TSHZ2: variants seen among roughly 807,000 people sequenced by gnomAD.
TSHZ2 encodes the protein teashirt zinc finger homeobox 2.
TSHZ2 carries 21 observed loss-of-function variants against 74.4 expected under a neutral mutation model. The ratio of observed to expected loss-of-function variants is 0.28; its 90% CI spans 0.20 to 0.41. The LOEUF (loss-of-function observed/expected upper bound fraction) is 0.41, where lower values mean the gene tolerates loss of function less well. Among genes scored for constraint, TSHZ2 ranks in the 10% least tolerant of loss-of-function variants. The probability of loss-of-function intolerance (pLI) is 1.00; values close to 1 mark genes in which losing one functional copy is unlikely to be tolerated. For synonymous variants in TSHZ2, 540 were observed against 515.3 expected, an observed-to-expected ratio of 1.05 and a Z score of -0.65; for missense variants, 1,244 against 1,293.5, an observed-to-expected ratio of 0.96 and a Z score of 0.59.
rs3971383 is a variant in TSHZ2 at position 53,228,019 on chromosome 20, GTTTTTTTTTT to G, written c.41-25470_41-25461del. On this transcript the variant is annotated intron_variant, in intron 1 of 2. Coordinates refer to ENST00000371497, the MANE Select transcript of TSHZ2 (RefSeq NM_173485.6). The stretch of plus-strand genomic sequence containing the variant: ...GCTGATCTTTATAATTTCAAATGGT[GTTTTTTTTTT>G]TTTTTTTTTGATTCTGGTTTGTTGC... Among the ~76,000 whole-genome samples, 24 of 101,434 alleles carry G rather than the reference GTTTTTTTTTT, an allele frequency of 2.4e-4. No individual in the cohort carries two copies. In the East Asian group the frequency reaches 6.8e-3, roughly 29 times the overall value. 66.5% of individuals were successfully genotyped at this position (101,434 alleles called of 152,430 possible).
At chr20:53,016,794 C>T (rs932409480) in intron 1 of TSHZ2, among the ~76,000 whole-genome samples, 1 of 152,100 alleles carries the variant, frequency 6.6e-6, no homozygotes, top group African/African-American at 2.4e-5. Flanking sequence ...TACTCATCTG[C>T]CATTAGTTGA....
intron 2 of TSHZ2, among the ~76,000 whole-genome samples, chr20:53,270,853 A>G (rs1444376825): frequency 6.6e-6 from 1 of 152,178 alleles, no homozygotes; most frequent in African/African-American, 2.4e-5. Flanking sequence ...TCAATTTCAC[A>G]GTCAAATAAT....
At chr20:53,035,161 C>G (rs574204154) in intron 1 of TSHZ2, among the ~76,000 whole-genome samples, 2 of 152,288 alleles carry the variant, frequency 1.3e-5, no homozygotes, top group African/African-American at 4.8e-5. Context: ...GACTACAAGC[C>G]TGGAAGCCTC....
In TSHZ2 at chr20:53,385,687, A is replaced by G. The variant is rs74782326; in HGVS notation, c.*9-101457A>G. On this transcript the variant is annotated intron_variant, in intron 2 of 2. Coordinates refer to ENST00000371497, the MANE Select transcript of TSHZ2 (RefSeq NM_173485.6). ...TTCCCAAGCCAAGCTCTACCCCGTT[A>G]GGCAGTACTTGGTCCACGGGGAGCT... 2.6e-3 allele frequency among the ~76,000 whole-genome samples: 390 copies of G among 152,316 alleles called. 2 individuals carry two copies. The highest frequency in any genetic ancestry group is 9.1e-3 in the African/African-American group (378 of 41,566).
chr20:53,458,335 G>C (rs1985196798), intron 2 of TSHZ2, among the ~76,000 whole-genome samples: 1 of 151,858 alleles, frequency 6.6e-6, no homozygotes, highest in Middle Eastern at 3.2e-3. Flanking sequence ...AGATTTTCTA[G>C]TTTATTTGTG....
At position 53,125,740 on chromosome 20, in the gene TSHZ2, T is replaced by A. The variant is rs572397633; in HGVS notation, c.41-127759T>A. On this transcript the variant is annotated intron_variant, in intron 1 of 2. Transcript: ENST00000371497. The stretch of plus-strand genomic sequence containing the variant: ...ACAGGAATGCAGTTACCAAAATATT[T>A]AAAAAAAAAAAATTGTGATGCAGTT... Among the ~76,000 whole-genome samples the A allele has an allele frequency of 2.9e-4, 44 of 149,380 alleles. 1 individual carries two copies. In the South Asian group the frequency reaches 6.2e-3, roughly 21 times the overall value.
intron 1 of TSHZ2, among the ~76,000 whole-genome samples, chr20:53,012,388 G>A (rs1032555487): frequency 1.3e-5 from 2 of 152,176 alleles, no homozygotes; most frequent in Non-Finnish European, 2.9e-5. Flanking sequence ...CTCAGAGCAG[G>A]AGTATCAGCA....
At chr20:53,391,816 A>C (rs1165042751) in intron 2 of TSHZ2, among the ~76,000 whole-genome samples, 1 of 152,110 alleles carries the variant, frequency 6.6e-6, no homozygotes, top group African/African-American at 2.4e-5. Context: ...GGTGGTGTGC[A>C]CCTGTGATCC....
At chr20:53,162,120 T>C (rs377515990) in intron 1 of TSHZ2, among the ~76,000 whole-genome samples, 2 of 152,250 alleles carry the variant, frequency 1.3e-5, no homozygotes, top group South Asian at 4.1e-4. Flanking sequence ...TTATGATGTT[T>C]ATTTTTCTAA....
intron 2 of TSHZ2, among the ~76,000 whole-genome samples, chr20:53,414,347 T>C (rs553137507): frequency 8.6e-5 from 13 of 151,570 alleles, no homozygotes; most frequent in African/African-American, 2.9e-4. Flanking sequence ...TGGCTCAACA[T>C]AGTGGCTCAC....
intron 1 of TSHZ2, among the ~76,000 whole-genome samples, chr20:53,193,366 TAAGTC>T (rs549599784): frequency 9.0e-4 from 137 of 152,268 alleles, no homozygotes; most frequent in African/African-American, 3.0e-3. Flanking sequence ...GCAATCCTGT[TAAGTC>T]AAGAGCATGT....
At chr20:53,486,185 C>A (rs1335037070) in intron 2 of TSHZ2, among the ~76,000 whole-genome samples, 1 of 152,122 alleles carries the variant, frequency 6.6e-6, no homozygotes, top group African/African-American at 2.4e-5. Flanking sequence ...TTTCACTTAG[C>A]ATAATATTCT....
chr20:53,141,154 G>C (rs142531268), intron 1 of TSHZ2, among the ~76,000 whole-genome samples: 97 of 152,304 alleles, frequency 6.4e-4, no homozygotes, highest in Non-Finnish European at 1.0e-3. Flanking sequence ...AGCCACGTGG[G>C]TACCACTGCT....
intron 1 of TSHZ2, among the ~76,000 whole-genome samples, chr20:53,014,953 C>A (rs1030234468): frequency 1.2e-4 from 18 of 152,140 alleles, no homozygotes; most frequent in African/African-American, 4.3e-4. Flanking sequence ...GCATTTAAAG[C>A]CTAATTCTTT....
chr20:53,092,039 C>T (rs1334869770), intron 1 of TSHZ2, among the ~76,000 whole-genome samples: 2 of 152,014 alleles, frequency 1.3e-5, no homozygotes, highest in African/African-American at 4.8e-5. Flanking sequence ...AAGCAAGGCC[C>T]TGTCTCAAAA....
intron 2 of TSHZ2, among the ~76,000 whole-genome samples, chr20:53,469,498 C>T (rs1985688091): frequency 6.6e-6 from 1 of 151,476 alleles, no homozygotes; most frequent in Admixed American, 6.6e-5. Flanking sequence ...GAGCCGAGAT[C>T]ACGCCACTGC....
chr20:53,275,152 G>A (rs1343538149), intron 2 of TSHZ2, among the ~76,000 whole-genome samples: 1 of 152,086 alleles, frequency 6.6e-6, no homozygotes, highest in East Asian at 1.9e-4. Flanking sequence ...AAGTGCAAAT[G>A]AACTGGAAGA....
intron 1 of TSHZ2, among the ~76,000 whole-genome samples, chr20:53,143,900 A>G (rs891175058): frequency 6.6e-6 from 1 of 152,076 alleles, no homozygotes; most frequent in Non-Finnish European, 1.5e-5. Context: ...TGTTATTCAA[A>G]CCAGTCTCCC....
At position 53,309,072 on chromosome 20, in the gene TSHZ2, G is replaced by A. The variant is rs545861154; in HGVS notation, c.*8+52501G>A. On this transcript the variant is annotated intron_variant, in intron 2 of 2. Transcript: ENST00000371497. ...GCCAACAGGCAAGACAGAGCAGAGT[G>A]CTCACATCACACCACCCCCGAAAAT... 5.3e-5 allele frequency among the ~76,000 whole-genome samples: 8 copies of A among 152,320 alleles called. No homozygotes were observed. The East Asian group carries it at 1.5e-3, about 29-fold the overall frequency.
Sources: allele counts gnomAD v4.1 joint callset (sites outside exome capture counted in the v4.1 genomes callset), GRCh38; gene constraint gnomAD v4.1.1; transcripts MANE v1.5; gene names NCBI Gene and HGNC (gene_info 2026-07-23, HGNC 2026-07-21).